Variants in SLC4A4 observed in about 807,000 individuals in gnomAD.
SLC4A4 encodes the protein solute carrier family 4 member 4, also known as electrogenic sodium bicarbonate cotransporter 1.
Under a neutral mutation model 111.5 loss-of-function variants are expected in SLC4A4, and 27 were observed. The ratio of observed to expected loss-of-function variants is 0.24; its 90% CI spans 0.18 to 0.33. SLC4A4 has a LOEUF of 0.33. Among genes scored for constraint, SLC4A4 ranks in the 10% least tolerant of loss-of-function variants. The pLI is 1.00. For synonymous variants in SLC4A4, 443 were observed against 463.4 expected, an observed-to-expected ratio of 0.96 and a Z score of 0.57; for missense variants, 909 against 1,315.5, an observed-to-expected ratio of 0.69 and a Z score of 4.78.
At chr4:71,515,567 G>A (rs539870605) in intron 16 of SLC4A4, among the ~76,000 whole-genome samples, 5 of 152,166 alleles carry the variant, frequency 3.3e-5, no homozygotes, top group South Asian at 2.1e-4. Context: ...TGCTGACAAC[G>A]GGGTGTTAAA....
At chr4:71,458,398 A>G (rs1221834449) in intron 12 of SLC4A4, among the ~76,000 whole-genome samples, 5 of 152,130 alleles carry the variant, frequency 3.3e-5, no homozygotes, top group African/African-American at 1.2e-4. Flanking sequence ...ATTTAAATCT[A>G]CATTGTTGAT....
At chr4:71,350,166 T>A in intron 5 of SLC4A4, 94 bp downstream of exon 5, 1 of 1,239,512 alleles carries the variant, frequency 8.1e-7, no homozygotes, top group Non-Finnish European at 1.2e-6. Flanking sequence ...TAAGCAGAGT[T>A]AAATGTTTTA....
chr4:71,553,446 C>A (rs1736208752), intron 20 of SLC4A4, among the ~76,000 whole-genome samples: 1 of 151,708 alleles, frequency 6.6e-6, no homozygotes, highest in South Asian at 2.1e-4. Flanking sequence ...AGGGATGGTC[C>A]CTTTGTGGTG....
intron 2 of SLC4A4, among the ~76,000 whole-genome samples, chr4:71,171,979 G>A (rs573207172): frequency 6.6e-6 from 1 of 152,258 alleles, no homozygotes; most frequent in African/African-American, 2.4e-5. Flanking sequence ...ACTTTGTTCT[G>A]TTTGTCTCTT....
At chr4:71,283,218 C>T (rs559314516) in intron 3 of SLC4A4, among the ~76,000 whole-genome samples, 1 of 152,260 alleles carries the variant, frequency 6.6e-6, no homozygotes, top group Admixed American at 6.5e-5. Context: ...TCCCTCCTCC[C>T]ATGATCCTCA....
chr4:71,433,544 G>A (rs1723837492), intron 7 of SLC4A4, among the ~76,000 whole-genome samples: 1 of 151,984 alleles, frequency 6.6e-6, no homozygotes, highest in African/African-American at 2.4e-5. Flanking sequence ...CCCTGTGTCA[G>A]ATGGATAGAT....
At chr4:71,525,129 A>T (rs1253772889) in intron 16 of SLC4A4, among the ~76,000 whole-genome samples, 1 of 152,166 alleles carries the variant, frequency 6.6e-6, no homozygotes, top group Non-Finnish European at 1.5e-5. Flanking sequence ...TTTCATGGAT[A>T]TTATGTTTAT....
intron 18 of SLC4A4, 42 bp from the exon 19 acceptor site, chr4:71,546,308 A>G: frequency 6.5e-7 from 1 of 1,528,454 alleles, no homozygotes; most frequent in Non-Finnish European, 9.1e-7. Context: ...GATAGCGAAT[A>G]TGAGTCTTTT....
At chr4:71,314,010 A>T (rs915750067) in intron 3 of SLC4A4, among the ~76,000 whole-genome samples, 1 of 152,174 alleles carries the variant, frequency 6.6e-6, no homozygotes, top group African/African-American at 2.4e-5. Flanking sequence ...AAATTTTTGC[A>T]ATCTATCCAT....
chr4:71,450,252 T>TA, intron 9 of SLC4A4, 137 bp from the exon 10 acceptor site: 1 of 712,292 alleles, frequency 1.4e-6, no homozygotes, highest in Non-Finnish European at 2.5e-6. Flanking sequence ...GCAGGCTGAA[T>TA]AATAGGGACT....
chr4:71,514,639 G>A (rs1306026295), intron 16 of SLC4A4, among the ~76,000 whole-genome samples: 1 of 152,092 alleles, frequency 6.6e-6, no homozygotes, highest in African/African-American at 2.4e-5. Flanking sequence ...TTTCGTTATT[G>A]GGAGACATTT....
chr4:71,331,279 C>G (rs1727961785), intron 3 of SLC4A4, among the ~76,000 whole-genome samples: 1 of 152,156 alleles, frequency 6.6e-6, no homozygotes, highest in Non-Finnish European at 1.5e-5. Flanking sequence ...GACACATGCA[C>G]ACGTATGTTT....
chr4:71,429,864 T>G (rs1160176178), intron 7 of SLC4A4, among the ~76,000 whole-genome samples: 1 of 152,164 alleles, frequency 6.6e-6, no homozygotes, highest in African/African-American at 2.4e-5. Flanking sequence ...GAAAGCCGTA[T>G]ATTCTATTCT....
At chr4:71,264,176 C>G (rs368292068) in intron 3 of SLC4A4, among the ~76,000 whole-genome samples, 98 of 151,956 alleles carry the variant, frequency 6.4e-4, no homozygotes, top group African/African-American at 2.3e-3. Flanking sequence ...ACTTTAGCAC[C>G]CTTGTCAGGA....
intron 5 of SLC4A4, among the ~76,000 whole-genome samples, chr4:71,356,763 T>A (rs751278116): frequency 6.6e-6 from 1 of 152,226 alleles, no homozygotes; most frequent in African/African-American, 2.4e-5. Flanking sequence ...ATCTGACTTA[T>A]GTGAATACAT....
intron 2 of SLC4A4, among the ~76,000 whole-genome samples, chr4:71,164,554 A>G (rs887945597): frequency 6.6e-6 from 1 of 151,904 alleles, no homozygotes; most frequent in Non-Finnish European, 1.5e-5. Context: ...AAACAAAACA[A>G]ACAAACAAAC....
chr4:71,536,465 C>CATATATATATATATATATATATAT (rs869091643), intron 18 of SLC4A4, among the ~76,000 whole-genome samples: 7 of 40,694 alleles, frequency 1.7e-4, no homozygotes, highest in Non-Finnish European at 2.5e-4. Context: ...TACATATATA[C>CATATATATATATATATATATATAT]ATATATATAT....
intron 24 of SLC4A4, among the ~76,000 whole-genome samples, chr4:71,565,511 T>A (rs1165841659): frequency 6.6e-6 from 1 of 151,776 alleles, no homozygotes; most frequent in Non-Finnish European, 1.5e-5. Flanking sequence ...TGTTGTGTGA[T>A]CATCTGAAGC....
At chr4:71,535,866 A>AAACC (rs1281467447) in intron 18 of SLC4A4, among the ~76,000 whole-genome samples, 1 of 151,560 alleles carries the variant, frequency 6.6e-6, no homozygotes, top group Non-Finnish European at 1.5e-5. Context: ...CAAACAAAAC[A>AAACC]AACAAACCAA....
Sources: allele counts gnomAD v4.1 joint callset (sites outside exome capture counted in the v4.1 genomes callset), GRCh38; gene constraint gnomAD v4.1.1; transcripts MANE v1.5; gene names NCBI Gene and HGNC (gene_info 2026-07-23, HGNC 2026-07-21).